EFCAB6: variants seen among roughly 807,000 people sequenced by gnomAD.
EFCAB6 encodes EF-hand calcium binding domain 6.
EFCAB6 carries 156 observed loss-of-function variants against 169.8 expected under a neutral mutation model. The observed-to-expected ratio is 0.92, with a 90% CI of 0.81 to 1.05. The LOEUF (loss-of-function observed/expected upper bound fraction) is 1.05, where lower values mean the gene tolerates loss of function less well. Ranked by LOEUF, EFCAB6 falls within the 50% of genes least tolerant of loss-of-function variation. The pLI, the probability that EFCAB6 is intolerant of heterozygous loss-of-function variation, is 0.00. For synonymous variants in EFCAB6, 698 were observed against 676.4 expected (o/e 1.03, Z -0.50); for missense variants, 1,800 against 1,829.1 (o/e 0.98, Z 0.29).
intron 10 of EFCAB6, among the ~76,000 whole-genome samples, chr22:43,697,547 C>T (rs563584713): frequency 6.6e-6 from 1 of 152,056 alleles, no homozygotes; most frequent in South Asian, 2.1e-4. Context: ...GTTTCCATGG[C>T]TTTTATAATC....
chr22:43,644,416 G>C (rs767434407), intron 17 of EFCAB6, among the ~76,000 whole-genome samples: 1 of 152,122 alleles, frequency 6.6e-6, no homozygotes, highest in Non-Finnish European at 1.5e-5. Context: ...GTTTACTTTG[G>C]TAAAATGCTA....
At position 43,541,189 on chromosome 22, in the gene EFCAB6, C is replaced by T. The variant is rs531943476; in HGVS notation, c.3649-832G>A. Among the ~76,000 whole-genome samples the T allele has an allele frequency of 2.6e-5, 4 of 152,164 alleles. No individual in the cohort carries two copies. In the South Asian group the frequency reaches 6.2e-4, roughly 24 times the overall value. On this transcript the variant is annotated intron_variant, in intron 27 of 31. Transcript: ENST00000262726. ...TTCCTTCCTTCCCATCCTGCGCTTT[C>T]CCCTGGAAGCCTGGGCTCTGCCAGA...
At position 43,628,182 on chromosome 22, in the gene EFCAB6, C is replaced by G. The variant is rs1033829155; in HGVS notation, c.2233-1503G>C. ...CAAATCAAACTCCTGACCTCCACCC[C>G]CTGTCCCCACCCTACTCCTCCTAAG... On this transcript the variant is annotated intron_variant, in intron 19 of 31. Coordinates refer to ENST00000262726, the MANE Select transcript of EFCAB6 (RefSeq NM_022785.4). The surrounding 1 kb of genome is among the most constrained non-coding windows in gnomAD (Gnocchi z 4.8). Among the ~76,000 whole-genome samples, 2 of 152,132 alleles carry G rather than the reference C, an allele frequency of 1.3e-5. No homozygotes were observed. Among genetic ancestry groups the G allele is most frequent in the East Asian group, 3.9e-4 (2 of 5,184 alleles).
chr22:43,754,960 A>G (rs1345897731), intron 6 of EFCAB6, among the ~76,000 whole-genome samples: 1 of 152,254 alleles, frequency 6.6e-6, no homozygotes. Flanking sequence ...TTAGAAACAC[A>G]TAATGCTAAG....
In EFCAB6 at chr22:43,537,351, A is replaced by T. The variant is rs1396344064; in HGVS notation, c.4048+26T>A. ...TTGCCACAGGGGCTGACCACATATT[A>T]CCAAGCAGATAGAATCTGAACGAAC... On this transcript the variant is annotated intron_variant, in intron 29 of 31. Coordinates refer to ENST00000262726, the MANE Select transcript of EFCAB6 (RefSeq NM_022785.4). This position sits in a 1 kb window ranked among gnomAD's most constrained non-coding sequence, Gnocchi z 4.3. 6.2e-7 allele frequency: 1 copy of T among 1,611,810 alleles called. No individual in the cohort carries two copies. The highest frequency in any genetic ancestry group is 8.5e-7 in the Non-Finnish European group (1 of 1,178,660).
chr22:43,794,336 A>T (rs2062420024), intron 2 of EFCAB6, among the ~76,000 whole-genome samples: 1 of 152,236 alleles, frequency 6.6e-6, no homozygotes, highest in Admixed American at 6.5e-5. Flanking sequence ...CTTGTGAGTT[A>T]GACACTATTA....
At chr22:43,529,470 T>C (rs549373932) in intron 31 of EFCAB6, among the ~76,000 whole-genome samples, 2 of 152,216 alleles carry the variant, frequency 1.3e-5, no homozygotes, top group Non-Finnish European at 2.9e-5. Context: ...TCTTCAGTTA[T>C]AGAACCTGAC....
At position 43,683,862 on chromosome 22, in the gene EFCAB6, G is replaced by A; in HGVS notation, c.1143-7C>T. 1 of 1,585,354 alleles carries A rather than the reference G, an allele frequency of 6.3e-7. No individual in the cohort carries two copies. Among genetic ancestry groups the A allele is most frequent in the Non-Finnish European group, 8.7e-7 (1 of 1,154,082 alleles). On this transcript the variant is annotated splice_region_variant and splice_polypyrimidine_tract_variant and intron_variant, in intron 11 of 31. Coordinates refer to ENST00000262726, the MANE Select transcript of EFCAB6 (RefSeq NM_022785.4). ...TTCATTTCTAGAGTTGATGCTACAA[G>A]AGGATTAGGAGAAAAGCAGGAATAA...
chr22:43,797,014 T>C (rs2062534181), intron 2 of EFCAB6, among the ~76,000 whole-genome samples: 1 of 152,192 alleles, frequency 6.6e-6, no homozygotes, highest in Non-Finnish European at 1.5e-5. Context: ...CAATGCTTGC[T>C]GATGTGATAT....
chr22:43,554,581 C>T lies in EFCAB6; in HGVS notation c.3648+288G>A, dbSNP rs113964939. 4.2e-4 allele frequency: 180 copies of T among 428,420 alleles called. 1 individual carries two copies. The highest frequency in any genetic ancestry group is 3.3e-3 in the African/African-American group (166 of 50,168). The allele number at this position is 428,420 out of a possible 1,614,324, so 26.5% of individuals were successfully genotyped here. On this transcript the variant is annotated intron_variant, in intron 27 of 31. Coordinates refer to ENST00000262726, the MANE Select transcript of EFCAB6 (RefSeq NM_022785.4). ...TGACAGACCCAGACCACATTACCTC[C>T]GGGATGCTCCAGGGAAGGGAGAAGG...
chr22:43,685,008 C>T (rs982927283), intron 11 of EFCAB6, among the ~76,000 whole-genome samples: 2 of 152,164 alleles, frequency 1.3e-5, no homozygotes, highest in Non-Finnish European at 2.9e-5. Context: ...TCTAAAGCCC[C>T]TAATGCCTAA....
intron 23 of EFCAB6, among the ~76,000 whole-genome samples, chr22:43,594,275 C>CAAAAAA (rs750560174): frequency 5.9e-4 from 48 of 81,440 alleles, no homozygotes; most frequent in South Asian, 1.4e-3. Flanking sequence ...AACTCTGTTT[C>CAAAAAA]AAAAAAAAAA....
Position 43,638,469 on chromosome 22 carries a change from CAGG to C in EFCAB6, c.1984-3256_1984-3254del, listed in dbSNP as rs1432903641. Among the ~76,000 whole-genome samples the C allele has an allele frequency of 4.6e-5, 7 of 152,250 alleles. No individual in the cohort carries two copies. In the East Asian group the frequency reaches 1.4e-3, roughly 30 times the overall value. Reference sequence around the variant, plus strand: ...CTTAGATTGTAGACCGACTCTTCCCCAGGAGGTCACAACATTTCAGGGAACCGT... The same window carrying C: ...CTTAGATTGTAGACCGACTCTTCCCCAGGTCACAACATTTCAGGGAACCGT... On this transcript the variant is annotated intron_variant, in intron 17 of 31. Transcript: ENST00000262726.
At chr22:43,531,807 C>T (rs913611053) in intron 30 of EFCAB6, among the ~76,000 whole-genome samples, 4 of 152,188 alleles carry the variant, frequency 2.6e-5, no homozygotes, top group Non-Finnish European at 4.4e-5. Context: ...TGACCTCCCA[C>T]ACCACACATC....
At chr22:43,740,219 A>G (rs2060320067) in intron 6 of EFCAB6, among the ~76,000 whole-genome samples, 2 of 151,502 alleles carry the variant, frequency 1.3e-5, no homozygotes, top group African/African-American at 2.4e-5. Flanking sequence ...CTCACCCCCA[A>G]TCCTCTTATC....
intron 4 of EFCAB6, among the ~76,000 whole-genome samples, chr22:43,770,119 A>G (rs2061426382): frequency 6.6e-6 from 1 of 152,118 alleles, no homozygotes; most frequent in Non-Finnish European, 1.5e-5. Context: ...GGCTTCCCAA[A>G]GTGCTGGGAC....
chr22:43,564,313 T>C (rs1890356964), intron 26 of EFCAB6, among the ~76,000 whole-genome samples: 3 of 152,112 alleles, frequency 2.0e-5, no homozygotes, highest in Admixed American at 6.5e-5. Context: ...CAGGGTGTGC[T>C]GGCCCACACC....
chr22:43,725,608 T>C (rs2059699977), intron 8 of EFCAB6, among the ~76,000 whole-genome samples: 1 of 152,176 alleles, frequency 6.6e-6, no homozygotes, highest in Non-Finnish European at 1.5e-5. Context: ...ATTGAAACCA[T>C]AACACCAACC....
At chr22:43,737,081 A>G (rs1245989727) in intron 6 of EFCAB6, among the ~76,000 whole-genome samples, 1 of 147,276 alleles carries the variant, frequency 6.8e-6, no homozygotes, top group East Asian at 2.0e-4. Flanking sequence ...GCCCTCTCCT[A>G]CTCTCTTGGT....
Sources: gnomAD v4.1 joint callset for allele counts (sites outside exome capture counted in the v4.1 genomes callset) on GRCh38, gnomAD v4.1.1 for gene constraint, Gnocchi (gnomAD v3.1) non-coding constraint, MANE v1.5 for transcripts, NCBI Gene and HGNC (gene_info 2026-07-23, HGNC 2026-07-21) for gene names.